The following CNOT4 variants were observed in gnomAD, a reference collection of about 807,000 sequenced individuals.
The protein encoded by CNOT4 is CCR4-NOT transcription complex subunit 4, also known as CCR4-associated factor 4.
CNOT4 carries 8 observed loss-of-function variants against 73.8 expected under a neutral mutation model. The ratio of observed to expected loss-of-function variants is 0.11; its 90% CI spans 0.06 to 0.20. The LOEUF (loss-of-function observed/expected upper bound fraction) is 0.20, where lower values mean the gene tolerates loss of function less well. CNOT4 is among the 10% of genes least tolerant of loss of function. The pLI is 1.00. For synonymous variants in CNOT4, 293 were observed against 321.1 expected (o/e 0.91, Z 0.94); for missense variants, 564 against 883.4 (o/e 0.64, Z 4.58).
chr7:135,397,922 A>C lies in CNOT4; in HGVS notation c.879+247T>G, dbSNP rs150088822. On this transcript the variant is annotated intron_variant, in intron 8 of 11. Transcript: ENST00000541284. ...TGGCACAGGGTCAAAAAGACCAATA[A>C]CATTAGCAGACTCTAAAGATAATAG... Among the ~76,000 whole-genome samples, 678 of 152,196 alleles carry C rather than the reference A, an allele frequency of 4.5e-3. 10 individuals carry two copies. Among genetic ancestry groups the C allele is most frequent in the African/African-American group, 0.016 (652 of 41,542 alleles).
chr7:135,454,968 A>G lies in CNOT4; in HGVS notation c.-92-16545T>C, dbSNP rs759133297. Reference sequence around the variant, plus strand: ...AACACTAGGTCAATTACAATTGTGGAAAACAAATTGGTCAGCCACAGTGGC... The same window carrying G: ...AACACTAGGTCAATTACAATTGTGGGAAACAAATTGGTCAGCCACAGTGGC... On this transcript the variant is annotated intron_variant, in intron 1 of 11. Transcript: ENST00000541284. Among the ~76,000 whole-genome samples the G allele has an allele frequency of 2.0e-4, 31 of 152,222 alleles. 1 individual carries two copies. The highest frequency in any genetic ancestry group is 6.6e-5 in the Admixed American group (1 of 15,266).
intron 7 of CNOT4, among the ~76,000 whole-genome samples, chr7:135,408,742 A>C (rs1197214819): frequency 2.0e-5 from 3 of 152,146 alleles, no homozygotes; most frequent in Non-Finnish European, 4.4e-5. Context: ...CCCAGAGGAA[A>C]TCCACGCAGA....
chr7:135,444,543 A>G, intron 1 of CNOT4: 1 of 1,289,044 alleles, frequency 7.8e-7, no homozygotes, highest in Non-Finnish European at 1.1e-6. Context: ...ACCTGCTTAT[A>G]TCTCAGCATT....
chr7:135,387,431 G>A (rs1253591051), intron 10 of CNOT4: 23 of 983,268 alleles, frequency 2.3e-5, no homozygotes, highest in Non-Finnish European at 2.8e-5. Flanking sequence ...ATTTTATATA[G>A]AGGTAACCTT....
At position 135,473,312 on chromosome 7, in the gene CNOT4, T is replaced by C. The variant is rs182504528; in HGVS notation, c.-92-34889A>G. On this transcript the variant is annotated intron_variant, in intron 1 of 11. Transcript: ENST00000541284. Reference sequence around the variant, plus strand: ...GTTATTTACAATTTAAAAACCATATTCAAAAGCAATAAGGAAAAAGTGGAG... The same window carrying C: ...GTTATTTACAATTTAAAAACCATATCCAAAAGCAATAAGGAAAAAGTGGAG... Among the ~76,000 whole-genome samples, 779 of 152,216 alleles carry C rather than the reference T, an allele frequency of 5.1e-3. 7 individuals are homozygous for C. The highest frequency in any genetic ancestry group is 6.8e-3 in the Non-Finnish European group (465 of 68,010).
intron 1 of CNOT4, among the ~76,000 whole-genome samples, chr7:135,487,189 C>CT (rs34992123): frequency 0.082 from 11,931 of 144,976 alleles, 680 homozygotes; most frequent in African/African-American, 0.16. Context: ...TTGGCCCAAT[C>CT]TTTTTTTTTT....
chr7:135,386,321 A>G (rs1796117807), intron 10 of CNOT4: 1 of 152,088 alleles, frequency 6.6e-6, no homozygotes, highest in African/African-American at 2.4e-5. Flanking sequence ...TTCCTATGTT[A>G]AGGGAAAAGC....
chr7:135,385,854 T>C (rs1413498557), intron 10 of CNOT4, among the ~76,000 whole-genome samples: 1 of 152,212 alleles, frequency 6.6e-6, no homozygotes, highest in Non-Finnish European at 1.5e-5. Context: ...TGATAGGGTC[T>C]GTATTTTATT....
intron 1 of CNOT4, among the ~76,000 whole-genome samples, chr7:135,463,648 A>G (rs1405363361): frequency 6.6e-6 from 1 of 152,080 alleles, no homozygotes; most frequent in African/African-American, 2.4e-5. Context: ...CAAAGACACC[A>G]AAAGCAACTG....
chr7:135,509,433 GAGC>G, intron 1 of CNOT4: 1 of 152,816 alleles, frequency 6.5e-6, no homozygotes, highest in Non-Finnish European at 1.5e-5. Flanking sequence ...TGGGATTAAT[GAGC>G]AGCAGCAGCC....
intron 1 of CNOT4, among the ~76,000 whole-genome samples, chr7:135,489,484 T>C (rs1802964365): frequency 6.7e-6 from 1 of 149,222 alleles, no homozygotes; most frequent in Non-Finnish European, 1.5e-5. Context: ...CAACCTCCGC[T>C]TCCCCAGCTC....
rs551087882 is a variant in CNOT4, at chr7:135,401,144, G to C, written c.822-2918C>G. 4.6e-5 allele frequency among the ~76,000 whole-genome samples: 7 copies of C among 152,250 alleles called. No homozygotes were observed. In the East Asian group the frequency reaches 9.6e-4, roughly 21 times the overall value. Reference sequence around the variant, plus strand: ...GAGAAAAGAGTTATCTTGAGACTACGACCAACAGGTCAGAGTCCTCACAAC... The same window carrying C: ...GAGAAAAGAGTTATCTTGAGACTACCACCAACAGGTCAGAGTCCTCACAAC... On this transcript the variant is annotated intron_variant, in intron 7 of 11. Transcript: ENST00000541284.
intron 2 of CNOT4, among the ~76,000 whole-genome samples, chr7:135,432,086 T>C (rs184639862): frequency 6.6e-5 from 10 of 152,064 alleles, no homozygotes; most frequent in Non-Finnish European, 1.0e-4. Flanking sequence ...GTTGAAAACC[T>C]TGTCACGCCA....
At chr7:135,389,539 A>G (rs1372255161) in intron 10 of CNOT4, among the ~76,000 whole-genome samples, 3 of 152,174 alleles carry the variant, frequency 2.0e-5, no homozygotes, top group Non-Finnish European at 4.4e-5. Flanking sequence ...TCTCCTGATT[A>G]TAACTGAAAA....
chr7:135,460,557 T>C (rs974600800), intron 1 of CNOT4, among the ~76,000 whole-genome samples: 10 of 152,092 alleles, frequency 6.6e-5, no homozygotes, highest in Admixed American at 3.9e-4. Context: ...TCATTTTACG[T>C]AGGTGCAGTT....
chr7:135,395,300 T>C (rs1182646548), intron 9 of CNOT4, among the ~76,000 whole-genome samples: 4 of 151,574 alleles, frequency 2.6e-5, no homozygotes, highest in African/African-American at 9.7e-5. Flanking sequence ...TGAGCTAAGA[T>C]CACACTACTT....
intron 10 of CNOT4, among the ~76,000 whole-genome samples, chr7:135,372,545 T>C (rs1243312696): frequency 6.6e-6 from 1 of 151,108 alleles, no homozygotes; most frequent in Admixed American, 6.6e-5. Flanking sequence ...CCCTGAACGT[T>C]TGCTACCATG....
chr7:135,428,090 G>GT (rs1798606130), intron 2 of CNOT4, among the ~76,000 whole-genome samples: 1 of 152,138 alleles, frequency 6.6e-6, no homozygotes, highest in Non-Finnish European at 1.5e-5. Flanking sequence ...AAAAGAAAAA[G>GT]TAGGTAGGGG....
rs139662926 is a variant in CNOT4, at chr7:135,479,333, C to G, written c.-93+30556G>C. Among the ~76,000 whole-genome samples, 1,304 of 150,232 alleles carry G rather than the reference C, an allele frequency of 8.7e-3. 4 individuals are homozygous for G. Among genetic ancestry groups the G allele is most frequent in the Non-Finnish European group, 0.013 (863 of 67,678 alleles). The stretch of plus-strand genomic sequence containing the variant: ...AAGCAGTTCTTCAGCATCAGCCTCC[C>G]GAGTAGCTGGGACTACAGGAGCACA... On this transcript the variant is annotated intron_variant, in intron 1 of 11. Transcript: ENST00000541284.
Sources: allele counts gnomAD v4.1 joint callset (sites outside exome capture counted in the v4.1 genomes callset), GRCh38; gene constraint gnomAD v4.1.1; transcripts MANE v1.5; gene names NCBI Gene and HGNC (gene_info 2026-07-23, HGNC 2026-07-21).